The following KRT222 variants were observed in gnomAD, a reference collection of about 807,000 sequenced individuals.
The protein encoded by KRT222 is keratin-like protein KRT222.
In KRT222, 23 loss-of-function variants were observed where a neutral mutation model predicts 35.0. The ratio of observed to expected loss-of-function variants is 0.66; its 90% CI spans 0.47 to 0.93. The LOEUF (loss-of-function observed/expected upper bound fraction) is 0.93. KRT222 is among the 40% of genes least tolerant of loss of function. The pLI, the probability that KRT222 is intolerant of heterozygous loss-of-function variation, is 0.00. For missense variants in KRT222, 339 were observed against 346.3 expected (o/e 0.98, Z 0.17); for synonymous variants, 108 against 118.8 (o/e 0.91, Z 0.59).
intron 5 of KRT222, 140 bp downstream of exon 5, chr17:40,657,210 CAA>C (rs34128971): frequency 4.9e-3 from 1,861 of 376,160 alleles, no homozygotes; most frequent in South Asian, 9.5e-3. Flanking sequence ...GACTCAATCT[CAA>C]AAAAAAAAAA....
rs761336980 is a variant in KRT222, at chr17:40,665,125, A to T, written c.-26T>A. On this transcript the variant is annotated 5_prime_UTR_variant, in exon 1 of 6. Coordinates refer to ENST00000394052, the MANE Select transcript of KRT222 (RefSeq NM_152349.3). Reference sequence around the variant, plus strand: ...TCTTTTCCCATCCTCCACCTTGGCTAACTGAACCTTATCGATAGGATGAGT... The same window carrying T: ...TCTTTTCCCATCCTCCACCTTGGCTTACTGAACCTTATCGATAGGATGAGT... 101 of 1,610,232 alleles carry T rather than the reference A, an allele frequency of 6.3e-5. No homozygotes were observed. Among genetic ancestry groups the T allele is most frequent in the Non-Finnish European group, 8.5e-5 (100 of 1,177,300 alleles).
rs766966764 is a variant in KRT222 at position 40,665,127 on chromosome 17, C to G, written c.-28G>C. ...TTTTCCCATCCTCCACCTTGGCTAA[C>G]TGAACCTTATCGATAGGATGAGTCG... On this transcript the variant is annotated 5_prime_UTR_variant, in exon 1 of 6. Transcript: ENST00000394052. 1.2e-6 allele frequency: 2 copies of G among 1,609,782 alleles called. No individual in the cohort carries two copies. The highest frequency in any genetic ancestry group is 1.1e-5 in the South Asian group (1 of 90,970).
chr17:40,657,269 G>A, intron 5 of KRT222, 83 bp downstream of exon 5: 7 of 823,030 alleles, frequency 8.5e-6, no homozygotes, highest in South Asian at 6.0e-5. Context: ...TTTAAACAAA[G>A]AAGAGTAATT....
chr17:40,659,537 C>T (rs1379588002), intron 3 of KRT222, among the ~76,000 whole-genome samples: 2 of 151,972 alleles, frequency 1.3e-5, no homozygotes, highest in Non-Finnish European at 1.5e-5. Flanking sequence ...AATCCTCCTA[C>T]CTTAGCCTCC....
chr17:40,662,224 C>T (rs748201543), intron 1 of KRT222, 180 bp from the exon 2 acceptor site: 3 of 589,796 alleles, frequency 5.1e-6, no homozygotes, highest in South Asian at 2.8e-5. Context: ...AAGTCCATTG[C>T]GTTCTTAGCC....
intron 3 of KRT222, among the ~76,000 whole-genome samples, chr17:40,658,423 ATATACATATACATATG>A (rs1240972787): frequency 6.6e-6 from 1 of 152,136 alleles, no homozygotes; most frequent in Admixed American, 6.6e-5. Flanking sequence ...ATAGTTACAT[ATATACATATACATATG>A]TATATACATG....
chr17:40,665,151 C>A lies in KRT222; in HGVS notation c.-52G>T. On this transcript the variant is annotated 5_prime_UTR_variant, in exon 1 of 6. Transcript: ENST00000394052. The stretch of plus-strand genomic sequence containing the variant: ...ACTGAACCTTATCGATAGGATGAGT[C>A]GCTGCGGCAGTCTGCTCGGTCTGCG... 1 of 1,551,498 alleles carries A rather than the reference C, an allele frequency of 6.4e-7. No individual in the cohort carries two copies. The highest frequency in any genetic ancestry group is 1.1e-5 in the South Asian group (1 of 89,754).
Position 40,665,020 on chromosome 17 carries a change from A to G in KRT222, c.80T>C (p.Leu27Pro). The G allele has an allele frequency of 1.9e-6, 3 of 1,613,970 alleles. No homozygotes were observed. The highest frequency in any genetic ancestry group is 2.5e-6 in the Non-Finnish European group (3 of 1,179,922). ...ILTRNQIETV[L>P]STRIQLEEDI... The stretch of plus-strand genomic sequence containing the variant: ...AATCATTACCTGGATCCTTGTTGAG[A>G]GCACCGTCTCTATCTGATTTCTGGT... The change falls in exon 1 of 6, where the codon CTC becomes CCC. Residue 27 changes from leucine to proline, a missense_variant. Coordinates refer to ENST00000394052, the MANE Select transcript of KRT222 (RefSeq NM_152349.3).
chr17:40,655,696 G>A lies in KRT222; in HGVS notation c.*706C>T, dbSNP rs2037339351. ...CAACCTTTAAAGTTCCTTGAGTAAA[G>A]TAAATCTTCCGGAAATCAGATACTT... On this transcript the variant is annotated 3_prime_UTR_variant, in exon 6 of 6. Coordinates refer to ENST00000394052, the MANE Select transcript of KRT222 (RefSeq NM_152349.3). The A allele has an allele frequency of 6.6e-6, 1 of 151,808 alleles. No individual in the cohort carries two copies. The allele number at this position is 151,808 out of a possible 1,614,324, so 9.4% of individuals were successfully genotyped here.
chr17:40,660,867 A>G (rs1033608678), intron 2 of KRT222, among the ~76,000 whole-genome samples: 6 of 152,156 alleles, frequency 3.9e-5, no homozygotes, highest in Admixed American at 1.3e-4. Context: ...AAAAAAAAAA[A>G]AAGAAAATAT....
In KRT222 at chr17:40,659,967, A is replaced by T. The variant is rs1421272979; in HGVS notation, c.446+20T>A. 1 of 1,603,848 alleles carries T rather than the reference A, an allele frequency of 6.2e-7. No homozygotes were observed. The highest frequency in any genetic ancestry group is 1.3e-5 in the African/African-American group (1 of 74,718). Reference sequence around the variant, plus strand: ...TCTGTATTTCTGGCCCCTTGTCATTAACTAAATGGATTTAGGTACCTGATT... The same window carrying T: ...TCTGTATTTCTGGCCCCTTGTCATTTACTAAATGGATTTAGGTACCTGATT... On this transcript the variant is annotated intron_variant, in intron 3 of 5. Coordinates refer to ENST00000394052, the MANE Select transcript of KRT222 (RefSeq NM_152349.3).
rs766146392 is a variant in KRT222, at chr17:40,665,140, A to G, written c.-41T>C. The G allele has an allele frequency of 2.3e-5, 36 of 1,587,538 alleles. No individual in the cohort carries two copies. In the South Asian group the frequency reaches 3.6e-4, roughly 16 times the overall value. Reference sequence around the variant, plus strand: ...CACCTTGGCTAACTGAACCTTATCGATAGGATGAGTCGCTGCGGCAGTCTG... The same window carrying G: ...CACCTTGGCTAACTGAACCTTATCGGTAGGATGAGTCGCTGCGGCAGTCTG... On this transcript the variant is annotated 5_prime_UTR_variant, in exon 1 of 6. Transcript: ENST00000394052.
At chr17:40,660,911 T>C (rs1170664650) in intron 2 of KRT222, among the ~76,000 whole-genome samples, 1 of 152,090 alleles carries the variant, frequency 6.6e-6, no homozygotes, top group African/African-American at 2.4e-5. Context: ...AGCAGACTGC[T>C]CATAAAAGGC....
At chr17:40,659,104 G>C (rs1201813601) in intron 3 of KRT222, among the ~76,000 whole-genome samples, 1 of 151,812 alleles carries the variant, frequency 6.6e-6, no homozygotes, top group African/African-American at 2.4e-5. Context: ...TCCTAGAAGA[G>C]ATGAATGGCA....
chr17:40,662,109 G>A lies in KRT222; in HGVS notation c.97-65C>T, dbSNP rs2144034516. The A allele has an allele frequency of 5.7e-6, 9 of 1,573,810 alleles. No individual in the cohort carries two copies. The East Asian group carries it at 1.3e-4, about 24-fold the overall frequency. On this transcript the variant is annotated intron_variant, in intron 1 of 5. Coordinates refer to ENST00000394052, the MANE Select transcript of KRT222 (RefSeq NM_152349.3). ...CAAGGAGTGCTTCTGAAAATGAGAT[G>A]TGTAAAAGCAATTATAGAAAAATTG...
intron 2 of KRT222, 60 bp from the exon 3 acceptor site, chr17:40,660,267 A>T: frequency 3.4e-5 from 44 of 1,294,134 alleles, no homozygotes; most frequent in Non-Finnish European, 4.4e-5. Flanking sequence ...CTGAAATCTG[A>T]TTTGCAATAT....
In KRT222 at chr17:40,662,029, TTA is replaced by T. The variant is rs756753419; in HGVS notation, c.110_111del (p.Ile37LysfsTer8). ...TCTTCATCTTTGTCCATTTTTTTGCTTATGTCTTCTTCTAGCTAACAAGAAAG... is the reference window on the plus strand; with the variant it reads ...TCTTCATCTTTGTCCATTTTTTTGCTTGTCTTCTTCTAGCTAACAAGAAAG... ...LSTRIQLEED[I>X]SKKMDKDEEA... On this transcript the variant is annotated frameshift_variant, in exon 2 of 6. Transcript: ENST00000394052. LOFTEE classifies it high-confidence loss of function. The T allele has an allele frequency of 5.5e-5, 89 of 1,613,748 alleles. No individual in the cohort carries two copies. The Admixed American group carries it at 1.4e-3, about 26-fold the overall frequency.
intron 1 of KRT222, among the ~76,000 whole-genome samples, chr17:40,662,582 T>C (rs1303099326): frequency 1.3e-5 from 2 of 152,218 alleles, no homozygotes; most frequent in East Asian, 1.9e-4. Flanking sequence ...GGCTCACAAA[T>C]AGACTTCCAT....
At position 40,657,504 on chromosome 17, in the gene KRT222, T is replaced by A; in HGVS notation, c.524-17A>T. The A allele has an allele frequency of 1.3e-6, 2 of 1,544,544 alleles. No homozygotes were observed. The highest frequency in any genetic ancestry group is 1.8e-6 in the Non-Finnish European group (2 of 1,128,136). Reference sequence around the variant, plus strand: ...TTATAATGGCTGTGAAAATATCATTTATGATATATTAAATTACAGTATTGA... The same window carrying A: ...TTATAATGGCTGTGAAAATATCATTAATGATATATTAAATTACAGTATTGA... On this transcript the variant is annotated splice_polypyrimidine_tract_variant and intron_variant, in intron 4 of 5. Transcript: ENST00000394052.
Sources: gnomAD v4.1 joint callset for allele counts (sites outside exome capture counted in the v4.1 genomes callset) on GRCh38, gnomAD v4.1.1 for gene constraint, MANE v1.5 for transcripts, NCBI Gene and HGNC (gene_info 2026-07-23, HGNC 2026-07-21) for gene names.